RPL3: variants seen among roughly 807,000 people sequenced by gnomAD.
RPL3 encodes the protein ribosomal protein L3.
RPL3 carries 3 observed loss-of-function variants against 46.0 expected under a neutral mutation model. That is an observed-to-expected ratio of 0.07 (90% CI 0.03 to 0.17). The LOEUF is 0.17. Ranked by LOEUF, RPL3 falls within the 10% of genes least tolerant of loss-of-function variation. The pLI, the probability that RPL3 is intolerant of heterozygous loss-of-function variation, is 1.00. For synonymous variants in RPL3, 224 were observed against 190.8 expected (o/e 1.17, Z -1.43); for missense variants, 387 against 532.7 (o/e 0.73, Z 2.69).
chr22:39,312,965 C>A lies in RPL3; in HGVS notation c.1187G>T (p.Arg396Leu). 5 of 1,614,158 alleles carry A rather than the reference C, an allele frequency of 3.1e-6. No individual in the cohort carries two copies. The highest frequency in any genetic ancestry group is 4.2e-6 in the Non-Finnish European group (5 of 1,179,988). The change falls in exon 10 of 10, where the codon CGA becomes CTA. Residue 396 changes from arginine to leucine, a missense_variant. Around this residue, in one of 5 missense-constraint regions of RPL3, gnomAD observed 131 missense variants for 185.1 expected, o/e 0.71. Coordinates refer to ENST00000216146, the MANE Select transcript of RPL3 (RefSeq NM_000967.4). ...TTAAGCTCCTTCTTCCTTTGCAATT[C>A]GGTCTTTCTTCAGTGGTCCCTGTGG... ...KAFMGPLKKD[R>L]IAKEEGA
rs188716923 is a variant in RPL3 at position 39,315,673 on chromosome 22, G to C, written c.502-118C>G. The stretch of plus-strand genomic sequence containing the variant: ...CACACGGCAAAAAGCCAGTAACTCT[G>C]AACAAGTCACTGAACCTCACCAAGA... On this transcript the variant is annotated intron_variant, in intron 4 of 9. Coordinates refer to ENST00000216146, the MANE Select transcript of RPL3 (RefSeq NM_000967.4). 891 of 1,212,772 alleles carry C rather than the reference G, an allele frequency of 7.3e-4. 2 individuals are homozygous for C. Among genetic ancestry groups the C allele is most frequent in the Non-Finnish European group, 9.8e-4 (844 of 864,844 alleles). The allele number at this position is 1,212,772 out of a possible 1,614,324, so 75.1% of individuals were successfully genotyped here.
intron 3 of RPL3, 103 bp from the exon 4 acceptor site, chr22:39,316,944 T>A: frequency 6.4e-7 from 1 of 1,574,646 alleles, no homozygotes; most frequent in South Asian, 1.1e-5. Flanking sequence ...GGGATGGAGC[T>A]CATTGCCGGC....
At position 39,314,729 on chromosome 22, in the gene RPL3, G is replaced by C. The variant is rs752027363; in HGVS notation, c.806C>G (p.Ala269Gly). 6.2e-7 allele frequency: 1 copy of C among 1,613,604 alleles called. No homozygotes were observed. The highest frequency in any genetic ancestry group is 8.5e-7 in the Non-Finnish European group (1 of 1,179,998). ...GCGGTGATGGTAGCCTTTCTGCCCA[G>C]CGCGTGCCACAGAGAAGGCTACACG... ...PARVAFSVAR[A>G]GQKGYHHRTE... Residue 269 changes from alanine (A) to glycine (G), a missense_variant, in exon 6 of 10, where the codon GCT becomes GGT. By Grantham distance (60) the Ala-to-Gly change is moderately conservative. Around this residue, in one of 5 missense-constraint regions of RPL3, gnomAD observed 131 missense variants for 185.1 expected, o/e 0.71. Coordinates refer to ENST00000216146, the MANE Select transcript of RPL3 (RefSeq NM_000967.4).
intron 1 of RPL3, chr22:39,319,083 T>C (rs1159955456): frequency 1.9e-6 from 1 of 537,632 alleles, no homozygotes; most frequent in Admixed American, 1.9e-5. Flanking sequence ...ACACAGTTTC[T>C]GTCCGCCCGT....
intron 5 of RPL3, chr22:39,315,113 C>T: frequency 9.1e-6 from 7 of 766,844 alleles, no homozygotes; most frequent in Admixed American, 1.9e-5. Flanking sequence ...CCAAGCTCCC[C>T]TTTGCAGTTA....
chr22:39,317,745 G>A, intron 2 of RPL3, 116 bp from the exon 3 acceptor site: 6 of 1,138,658 alleles, frequency 5.3e-6, no homozygotes, highest in Non-Finnish European at 7.7e-6. Flanking sequence ...CCCCACACCT[G>A]CAGTACGGAC....
At chr22:39,313,020 T>C (rs756224588) in intron 9 of RPL3, 36 bp from the exon 10 acceptor site, 31 of 1,613,722 alleles carry the variant, frequency 1.9e-5, no homozygotes, top group Middle Eastern at 1.6e-4. Flanking sequence ...AGGTAGAAGA[T>C]GACAGGTGAC....
chr22:39,317,353 G>C, intron 3 of RPL3, 108 bp downstream of exon 3: 1 of 1,308,718 alleles, frequency 7.6e-7, no homozygotes, highest in Non-Finnish European at 1.1e-6. Context: ...CTAAACCCAA[G>C]ACAGCAGCTC....
intron 4 of RPL3, 108 bp downstream of exon 4, chr22:39,316,598 T>G: frequency 6.9e-7 from 1 of 1,440,610 alleles, no homozygotes; most frequent in Non-Finnish European, 9.6e-7. Flanking sequence ...TGCCCTCTGC[T>G]GGCAAGGGAG....
At chr22:39,313,976 C>CT in intron 7 of RPL3, 131 bp downstream of exon 7, 1 of 882,512 alleles carries the variant, frequency 1.1e-6, no homozygotes, top group Non-Finnish European at 1.9e-6. Context: ...CAACATGCCA[C>CT]TTACAAGGGA....
rs944158460 is a variant in RPL3, at chr22:39,317,528, G to A, written c.298C>T (p.Arg100Trp). ...VGYVETPRGL[R>W]TFKTVFAEHI... is the part of the protein sequence containing the mutation. ...TCAGCAAAGACAGTCTTGAAGGTCCGGAGGCCTCGAGGGGTTTCCACGTAG... is the reference window on the plus strand; with the variant it reads ...TCAGCAAAGACAGTCTTGAAGGTCCAGAGGCCTCGAGGGGTTTCCACGTAG... Residue 100 changes from arginine to tryptophan, a missense_variant, in exon 3 of 10, where the codon CGG becomes TGG. By Grantham distance (101) the Arg-to-Trp change is moderately radical. Around this residue, in one of 5 missense-constraint regions of RPL3, gnomAD observed 196 missense variants for 217.5 expected, o/e 0.90. Coordinates refer to ENST00000216146, the MANE Select transcript of RPL3 (RefSeq NM_000967.4). The A allele has an allele frequency of 6.8e-6, 11 of 1,613,804 alleles. No individual in the cohort carries two copies. Among genetic ancestry groups the A allele is most frequent in the East Asian group, 2.2e-5 (1 of 44,892 alleles).
At chr22:39,317,117 G>T (rs1408011098) in intron 3 of RPL3, 1 of 602,996 alleles carries the variant, frequency 1.7e-6, no homozygotes, top group Non-Finnish European at 3.0e-6. Flanking sequence ...AGCCCACTCA[G>T]TGATGAAGGA....
At chr22:39,318,943 C>T (rs1056493738) in intron 1 of RPL3, 6 of 514,812 alleles carry the variant, frequency 1.2e-5, no homozygotes, top group Non-Finnish European at 2.0e-5. Flanking sequence ...GAAAGGGACT[C>T]CCGGGACAAA....
chr22:39,319,401 A>G, intron 1 of RPL3, 194 bp downstream of exon 1: 1 of 750,086 alleles, frequency 1.3e-6, no homozygotes, highest in South Asian at 1.8e-5. Context: ...TGCAGGCCCA[A>G]AGCCAGTCCT....
chr22:39,316,240 T>TAAAAA (rs137622), intron 4 of RPL3, among the ~76,000 whole-genome samples: 1 of 146,874 alleles, frequency 6.8e-6, no homozygotes, highest in African/African-American at 2.5e-5. Context: ...ATTCTGTCTC[T>TAAAAA]AAAAAAAAAA....
At chr22:39,318,298 TAAAA>T (rs200859496) in intron 2 of RPL3, 98 bp downstream of exon 2, 42 of 1,132,634 alleles carry the variant, frequency 3.7e-5, no homozygotes, top group South Asian at 2.8e-4. Context: ...AACTCCTGCT[TAAAA>T]AAAAAAGTCT....
chr22:39,316,505 C>T (rs1014228597), intron 4 of RPL3, among the ~76,000 whole-genome samples: 1 of 152,202 alleles, frequency 6.6e-6, no homozygotes, highest in African/African-American at 2.4e-5. Flanking sequence ...GACTTTCAGG[C>T]AGGCATTTCA....
chr22:39,318,716 C>A, intron 1 of RPL3, 124 bp from the exon 2 acceptor site: 1 of 807,194 alleles, frequency 1.2e-6, no homozygotes, highest in South Asian at 1.8e-5. Context: ...CCCAGCAAGC[C>A]GAATAAAAAG....
chr22:39,316,814 G>C lies in RPL3; in HGVS notation c.393C>G (p.Thr131=). The C allele has an allele frequency of 6.2e-7, 1 of 1,614,048 alleles. No homozygotes were observed. The highest frequency in any genetic ancestry group is 1.1e-5 in the South Asian group (1 of 91,082). ...NWHKSKKKAF[T]KYCKKWQDED... ...CATCCTGCCATTTCTTGCAGTACTT[G>C]GTAAAGGCCTTCTTCTTAGATTTAT... Residue 131 remains threonine (T), a synonymous_variant, in exon 4 of 10, where the codon ACC becomes ACG. Transcript: ENST00000216146.
Sources: allele counts gnomAD v4.1 joint callset (sites outside exome capture counted in the v4.1 genomes callset), GRCh38; gene constraint gnomAD v4.1.1; regional missense constraint gnomAD v4.1.1; transcripts MANE v1.5; gene names NCBI Gene and HGNC (gene_info 2026-07-23, HGNC 2026-07-21).